RNF220: variants seen among roughly 807,000 people sequenced by gnomAD.
The protein encoded by RNF220 is ring finger protein 220.
A neutral mutation model predicts 67.1 loss-of-function variants in RNF220; 7 were observed. The ratio of observed to expected loss-of-function variants is 0.10; its 90% confidence interval spans 0.06 to 0.20. The LOEUF is 0.20. Among genes scored for constraint, RNF220 ranks in the 10% least tolerant of loss-of-function variants. The probability of loss-of-function intolerance (pLI) is 1.00; values close to 1 mark genes in which losing one functional copy is unlikely to be tolerated. For synonymous variants in RNF220, 270 were observed against 283.2 expected (o/e 0.95, Z 0.47); for missense variants, 565 against 740.3 (o/e 0.76, Z 2.75).
intron 2 of RNF220, among the ~76,000 whole-genome samples, chr1:44,502,157 TCACACACA>T (rs57102316): frequency 4.2e-5 from 6 of 144,072 alleles, no homozygotes; most frequent in Non-Finnish European, 7.6e-5. Context: ...TCTCTCTCTC[TCACACACA>T]CACACACACA....
intron 2 of RNF220, among the ~76,000 whole-genome samples, chr1:44,501,548 G>A (rs1246530525): frequency 0.025 from 3,830 of 152,208 alleles, 144 homozygotes; most frequent in African/African-American, 0.088. Flanking sequence ...GGGTTATTGG[G>A]TGTGGGCAGA....
chr1:44,564,903 G>C (rs556298661), intron 2 of RNF220, among the ~76,000 whole-genome samples: 1 of 151,022 alleles, frequency 6.6e-6, no homozygotes, highest in African/African-American at 2.4e-5. Context: ...CCCTTAGATT[G>C]TAAGTTCCTT....
At chr1:44,630,523 G>C (rs1211636137) in intron 5 of RNF220, among the ~76,000 whole-genome samples, 3 of 152,236 alleles carry the variant, frequency 2.0e-5, no homozygotes, top group African/African-American at 7.2e-5. Context: ...CTTCATGCAA[G>C]ACGCTGTGCT....
chr1:44,532,609 G>A (rs1015630083), intron 2 of RNF220, among the ~76,000 whole-genome samples: 3 of 152,184 alleles, frequency 2.0e-5, no homozygotes, highest in Admixed American at 6.5e-5. Context: ...ATTGTTTTAT[G>A]ACTTCAAAGC....
chr1:44,437,368 A>C (rs931635325), intron 2 of RNF220, among the ~76,000 whole-genome samples: 1 of 152,248 alleles, frequency 6.6e-6, no homozygotes, highest in Non-Finnish European at 1.5e-5. Context: ...TTAGCAATTA[A>C]AATATATTCT....
At chr1:44,632,009 C>T (rs562311035) in intron 5 of RNF220, 4 of 1,026,640 alleles carry the variant, frequency 3.9e-6, no homozygotes, top group African/African-American at 1.7e-5. Context: ...GCTGAAGTGC[C>T]GCCGCCGCCG....
intron 2 of RNF220, among the ~76,000 whole-genome samples, chr1:44,539,010 C>T (rs577870429): frequency 6.6e-6 from 1 of 151,372 alleles, no homozygotes; most frequent in East Asian, 1.9e-4. Context: ...CACCTGAGCT[C>T]AGGAGTTGGA....
intron 2 of RNF220, among the ~76,000 whole-genome samples, chr1:44,483,119 C>T (rs1655983361): frequency 6.6e-6 from 1 of 151,942 alleles, no homozygotes; most frequent in Middle Eastern, 3.4e-3. Flanking sequence ...TTTGTAGAGA[C>T]AGGGTCTTGC....
intron 2 of RNF220, among the ~76,000 whole-genome samples, chr1:44,543,567 T>G (rs1661857414): frequency 6.7e-6 from 1 of 149,308 alleles, no homozygotes; most frequent in Non-Finnish European, 1.5e-5. Context: ...GAGGGGGAAG[T>G]AGAGAGAGCA....
chr1:44,572,498 C>T (rs144519457), intron 2 of RNF220, among the ~76,000 whole-genome samples: 1 of 152,186 alleles, frequency 6.6e-6, no homozygotes, highest in Non-Finnish European at 1.5e-5. Context: ...ATGAAAAGCC[C>T]CTCTTTCATA....
At chr1:44,500,718 C>G (rs1244648993) in intron 2 of RNF220, among the ~76,000 whole-genome samples, 1 of 152,210 alleles carries the variant, frequency 6.6e-6, no homozygotes, top group African/African-American at 2.4e-5. Flanking sequence ...TCCTGGCCAC[C>G]ACCTGGGCAT....
chr1:44,501,250 CTG>C (rs1366316161), intron 2 of RNF220, among the ~76,000 whole-genome samples: 4 of 151,750 alleles, frequency 2.6e-5, no homozygotes, highest in African/African-American at 9.7e-5. Flanking sequence ...TGACCAGCGG[CTG>C]TCAGTATGGG....
intron 2 of RNF220, among the ~76,000 whole-genome samples, chr1:44,420,838 T>C (rs1156931777): frequency 1.3e-5 from 2 of 152,202 alleles, no homozygotes; most frequent in Non-Finnish European, 2.9e-5. Flanking sequence ...TTAGAACAGT[T>C]TCTCACACAT....
At chr1:44,543,293 G>A (rs1042903660) in intron 2 of RNF220, among the ~76,000 whole-genome samples, 9 of 152,100 alleles carry the variant, frequency 5.9e-5, no homozygotes, top group Admixed American at 5.9e-4. Flanking sequence ...AGTGACACCT[G>A]CAGGTTGGCT....
intron 2 of RNF220, among the ~76,000 whole-genome samples, chr1:44,452,409 C>T (rs184503669): frequency 1.1e-4 from 17 of 151,882 alleles, no homozygotes; most frequent in Admixed American, 1.0e-3. Context: ...CAAAAATTAG[C>T]CGGGCTTGGT....
intron 2 of RNF220, among the ~76,000 whole-genome samples, chr1:44,436,463 T>C (rs915081498): frequency 2.0e-5 from 3 of 152,022 alleles, no homozygotes; most frequent in African/African-American, 7.2e-5. Flanking sequence ...GGCCCAACAG[T>C]GTACAGCAAC....
rs1254771240 is a variant in RNF220 at position 44,644,791 on chromosome 1, C to T, written c.1220C>T (p.Pro407Leu). The T allele has an allele frequency of 6.2e-7, 1 of 1,613,096 alleles. No individual in the cohort carries two copies. The highest frequency in any genetic ancestry group is 1.1e-5 in the South Asian group (1 of 91,068). Residue 407 changes from proline (P) to leucine (L), a missense_variant, in exon 9 of 15, where the codon CCA (proline) becomes CTA (leucine). Physicochemically the swap from Pro to Leu is moderately conservative, Grantham distance 98. Coordinates refer to ENST00000361799, the MANE Select transcript of RNF220 (RefSeq NM_018150.4). ...DGDDTLEYGKPQYTEADVIPC... is the reference protein window; with the variant it reads ...DGDDTLEYGKLQYTEADVIPC... Reference sequence around the variant, plus strand: ...GATGACACTCTGGAGTATGGGAAGCCACAGTATCCTTGGAGCACTATGGGG... The same window carrying T: ...GATGACACTCTGGAGTATGGGAAGCTACAGTATCCTTGGAGCACTATGGGG...
At chr1:44,469,088 C>G (rs1004881883) in intron 2 of RNF220, among the ~76,000 whole-genome samples, 3 of 152,060 alleles carry the variant, frequency 2.0e-5, no homozygotes, top group African/African-American at 7.2e-5. Flanking sequence ...TATGAGAACT[C>G]ATTTTAGAAA....
intron 2 of RNF220, among the ~76,000 whole-genome samples, chr1:44,433,354 G>A (rs1650613960): frequency 6.6e-6 from 1 of 152,188 alleles, no homozygotes; most frequent in East Asian, 1.9e-4. Flanking sequence ...TTGGGTAAAA[G>A]TACGTAACAG....
Sources: allele counts gnomAD v4.1 joint callset (sites outside exome capture counted in the v4.1 genomes callset), GRCh38; gene constraint gnomAD v4.1.1; transcripts MANE v1.5; gene names NCBI Gene and HGNC (gene_info 2026-07-23, HGNC 2026-07-21).